Variants in NCAPG observed in about 807,000 individuals in gnomAD.
The protein encoded by NCAPG is non-SMC condensin I complex subunit G.
A neutral mutation model predicts 113.1 loss-of-function variants in NCAPG; 69 were observed. The observed-to-expected ratio is 0.61, with a 90% CI of 0.50 to 0.75. NCAPG has a LOEUF of 0.75. NCAPG is among the 30% of genes least tolerant of loss of function. The pLI, the probability that NCAPG is intolerant of heterozygous loss-of-function variation, is 0.00. For synonymous variants in NCAPG, 370 were observed against 415.8 expected (o/e 0.89, Z 1.34); for missense variants, 1,058 against 1,177.0 (o/e 0.90, Z 1.48).
At chr4:17,815,444 G>T (rs1344266086) in intron 5 of NCAPG, 86 bp downstream of exon 5, 1 of 913,064 alleles carries the variant, frequency 1.1e-6, no homozygotes. Context: ...TGTCAAATCA[G>T]GTCAAGTAAG....
chr4:17,813,291 A>G, intron 3 of NCAPG, 146 bp downstream of exon 3: 1 of 583,978 alleles, frequency 1.7e-6, no homozygotes, highest in Admixed American at 3.8e-5. Flanking sequence ...CCTAAGTAGC[A>G]ACCACCCAGC....
rs940951519 is a variant in NCAPG at position 17,844,421 on chromosome 4, T to A, written c.*996T>A. ...GGCTTATCATCTACTAGAGGCCATT[T>A]ACTTAAGGTGAAATTTTAAGATGGA... On this transcript the variant is annotated 3_prime_UTR_variant, in exon 21 of 21. Transcript: ENST00000251496. The A allele has an allele frequency of 1.4e-4, 22 of 152,560 alleles. No homozygotes were observed. Among genetic ancestry groups the A allele is most frequent in the African/African-American group, 5.1e-4 (21 of 41,568 alleles). 9.5% of individuals were successfully genotyped at this position (152,560 alleles called of 1,614,324 possible). A position where few individuals can be genotyped will look rare whatever the true frequency, so the allele number is the denominator to read the frequency against.
intron 9 of NCAPG, among the ~76,000 whole-genome samples, chr4:17,824,385 A>G (rs1243992982): frequency 6.6e-6 from 1 of 152,128 alleles, no homozygotes; most frequent in Non-Finnish European, 1.5e-5. Context: ...TTCACAGATC[A>G]TCTCTTCCAT....
At chr4:17,837,508 C>A in intron 15 of NCAPG, 119 bp from the exon 16 acceptor site, 1 of 1,333,566 alleles carries the variant, frequency 7.5e-7, no homozygotes, top group Non-Finnish European at 1.0e-6. Context: ...ATTTTTGGCT[C>A]TTTCCTAGAT....
intron 5 of NCAPG, among the ~76,000 whole-genome samples, chr4:17,816,927 G>A (rs1383455912): frequency 6.6e-6 from 1 of 152,122 alleles, no homozygotes; most frequent in Admixed American, 6.5e-5. Flanking sequence ...GAGGTCAAGA[G>A]ATTGAGACCA....
At chr4:17,842,266 G>T (rs779886523) in intron 19 of NCAPG, 44 bp from the exon 20 acceptor site, 173 of 1,554,782 alleles carry the variant, frequency 1.1e-4, no homozygotes, top group Non-Finnish European at 1.4e-4. Context: ...AAAACAAAAA[G>T]CAACTGATAA....
At chr4:17,819,879 T>G (rs1330746550) in intron 7 of NCAPG, among the ~76,000 whole-genome samples, 1 of 152,184 alleles carries the variant, frequency 6.6e-6, no homozygotes, top group Non-Finnish European at 1.5e-5. Context: ...ATCTCAAATG[T>G]GAGCCAGTAG....
chr4:17,825,409 G>A lies in NCAPG; in HGVS notation c.1501G>A (p.Glu501Lys). ...KMAEIKVKLI[E>K]AKEALENCIT... ...GGCTGAAATAAAAGTTAAGCTTATC[G>A]AAGCCAAAGAAGCTTTGGAAAATTG... The change falls in exon 11 of 21, where the codon GAA (glutamate) becomes AAA (lysine). Residue 501 changes from glutamate to lysine, a missense_variant. Transcript: ENST00000251496. 1.7e-5 allele frequency: 27 copies of A among 1,589,826 alleles called. No individual in the cohort carries two copies. The highest frequency in any genetic ancestry group is 2.3e-5 in the Non-Finnish European group (27 of 1,173,964).
rs573425413 is a variant in NCAPG, at chr4:17,839,716, A to G, written c.2507A>G (p.Asn836Ser). ...GACAATTTGGCTATGAAAATTTGCA[A>G]TGAGATCTTAACAAGTCCGTGCTCG... ...VHDNLAMKIC[N>S]EILTSPCSPE... The change falls in exon 17 of 21, where the codon AAT becomes AGT. Residue 836 changes from asparagine (N) to serine (S), a missense_variant. Coordinates refer to ENST00000251496, the MANE Select transcript of NCAPG (RefSeq NM_022346.5). The G allele has an allele frequency of 3.2e-6, 5 of 1,568,476 alleles. No individual in the cohort carries two copies. The highest frequency in any genetic ancestry group is 1.8e-4 in the Middle Eastern group (1 of 5,424).
At position 17,837,637 on chromosome 4, in the gene NCAPG, G is replaced by C; in HGVS notation, c.2302G>C (p.Glu768Gln). 6.2e-7 allele frequency: 1 copy of C among 1,613,312 alleles called. No individual in the cohort carries two copies. The stretch of plus-strand genomic sequence containing the variant: ...TTTGTTTCTCAATAGGACTAATCAG[G>C]AATGCTTTGAAGAAGCTTTTCTTCC... ...VFAYASRTNQ[E>Q]CFEEAFLPTL... The change falls in exon 16 of 21, where the codon GAA becomes CAA. Residue 768 changes from glutamate to glutamine, a missense_variant. By Grantham distance (29) the Glu-to-Gln change is conservative. Transcript: ENST00000251496.
At position 17,843,570 on chromosome 4, in the gene NCAPG, AT is replaced by A. The variant is rs1452990847; in HGVS notation, c.*147del. On this transcript the variant is annotated 3_prime_UTR_variant, in exon 21 of 21. Coordinates refer to ENST00000251496, the MANE Select transcript of NCAPG (RefSeq NM_022346.5). ...GCGCTTCCACGTTACTTTGGCCTGT[AT>A]TAAAGCAGTAGAGCAGCATCAGTTA... The A allele has an allele frequency of 1.8e-5, 15 of 820,110 alleles. No homozygotes were observed. Among genetic ancestry groups the A allele is most frequent in the Non-Finnish European group, 2.7e-5 (14 of 526,006 alleles). 50.8% of individuals were successfully genotyped at this position (820,110 alleles called of 1,614,324 possible).
chr4:17,843,137 C>T (rs1173594878), intron 20 of NCAPG, 165 bp from the exon 21 acceptor site: 1 of 637,162 alleles, frequency 1.6e-6, no homozygotes, highest in Non-Finnish European at 2.6e-6. Flanking sequence ...ATAGCCAAGT[C>T]AGTGTTTTTT....
chr4:17,814,246 C>T (rs929656722), intron 3 of NCAPG, among the ~76,000 whole-genome samples: 2 of 152,068 alleles, frequency 1.3e-5, no homozygotes, highest in Non-Finnish European at 2.9e-5. Context: ...ACTTTTAGGG[C>T]TATTTGTTTT....
intron 12 of NCAPG, among the ~76,000 whole-genome samples, chr4:17,830,553 C>CCTTTTTTT (rs1553850724): frequency 7.3e-6 from 1 of 137,326 alleles, no homozygotes; most frequent in East Asian, 2.1e-4. Context: ...ACTAGTTTCA[C>CCTTTTTTT]TTTTTTTTTT....
intron 5 of NCAPG, among the ~76,000 whole-genome samples, chr4:17,816,101 A>G (rs1306984166): frequency 2.7e-5 from 4 of 150,816 alleles, no homozygotes; most frequent in African/African-American, 9.8e-5. Flanking sequence ...GTTCCCCAAC[A>G]TTTTTGACAC....
At position 17,840,046 on chromosome 4, in the gene NCAPG, A is replaced by G. The variant is rs200761113; in HGVS notation, c.2629-25A>G. ...GATTAGGGAATGCGGTGTTTACAAA[A>G]TGTTAATAATGTTTTCTTTTATAGC... On this transcript the variant is annotated intron_variant, in intron 17 of 20. Coordinates refer to ENST00000251496, the MANE Select transcript of NCAPG (RefSeq NM_022346.5). The G allele has an allele frequency of 5.2e-4, 832 of 1,585,420 alleles. 7 individuals carry two copies. Among genetic ancestry groups the G allele is most frequent in the Non-Finnish European group, 1.0e-4 (122 of 1,169,280 alleles).
Position 17,837,702 on chromosome 4 carries a change from T to C in NCAPG, c.2367T>C (p.Pro789=). Residue 789 remains proline (P), a synonymous_variant, in exon 16 of 21, where the codon CCT becomes CCC. Coordinates refer to ENST00000251496, the MANE Select transcript of NCAPG (RefSeq NM_022346.5). ...QTLANAPASS[P]LAEIDITNVA... is the part of the protein sequence containing the mutation. ...TGGCCAATGCCCCTGCATCTTCTCC[T>C]TTAGCTGAAATTGATATCACAAATG... 1 of 1,614,034 alleles carries C rather than the reference T, an allele frequency of 6.2e-7. No homozygotes were observed. The highest frequency in any genetic ancestry group is 1.1e-5 in the South Asian group (1 of 91,078).
Position 17,840,590 on chromosome 4 carries a change from A to G in NCAPG, c.2768-17A>G. ...GAGGTTATCTTATTTATATTGTTGT[A>G]TTATTCCCTTTAATAGAAAAGAATA... On this transcript the variant is annotated splice_polypyrimidine_tract_variant and intron_variant, in intron 18 of 20. Coordinates refer to ENST00000251496, the MANE Select transcript of NCAPG (RefSeq NM_022346.5). 3 of 1,342,938 alleles carry G rather than the reference A, an allele frequency of 2.2e-6. No homozygotes were observed. Among genetic ancestry groups the G allele is most frequent in the South Asian group, 1.7e-5 (1 of 59,976 alleles). The allele number at this position is 1,342,938 out of a possible 1,614,324, so 83.2% of individuals were successfully genotyped here.
At position 17,828,637 on chromosome 4, in the gene NCAPG, T is replaced by C. The variant is rs561274375; in HGVS notation, c.1764+249T>C. ...AAAATGATTTTATACTGGAAAGAGATACAGAATATCTTCATTTTTTGAATA... is the reference window on the plus strand; with the variant it reads ...AAAATGATTTTATACTGGAAAGAGACACAGAATATCTTCATTTTTTGAATA... On this transcript the variant is annotated intron_variant, in intron 12 of 20. Transcript: ENST00000251496. Among the ~76,000 whole-genome samples the C allele has an allele frequency of 9.2e-5, 14 of 152,260 alleles. No homozygotes were observed. In the East Asian group the frequency reaches 2.1e-3, roughly 23 times the overall value.
Sources: allele counts gnomAD v4.1 joint callset (sites outside exome capture counted in the v4.1 genomes callset), GRCh38; gene constraint gnomAD v4.1.1; transcripts MANE v1.5; gene names NCBI Gene and HGNC (gene_info 2026-07-23, HGNC 2026-07-21).